PTPRJ: variants seen among roughly 807,000 people sequenced by gnomAD.
PTPRJ encodes the protein protein tyrosine phosphatase receptor type J.
Under a neutral mutation model 141.3 loss-of-function variants are expected in PTPRJ, and 129 were observed. The ratio of observed to expected loss-of-function variants is 0.91; its 90% CI spans 0.79 to 1.06. The LOEUF (loss-of-function observed/expected upper bound fraction) is 1.06, where lower values mean the gene tolerates loss of function less well. PTPRJ is among the 50% of genes least tolerant of loss of function. The pLI, the probability that PTPRJ is intolerant of heterozygous loss-of-function variation, is 0.00. For synonymous variants in PTPRJ, 610 were observed against 640.5 expected (o/e 0.95, Z 0.72); for missense variants, 1,601 against 1,679.7 (o/e 0.95, Z 0.82).
chr11:48,150,147 A>C lies in PTPRJ; in HGVS notation c.3102A>C (p.Gln1034His). 6.2e-7 allele frequency: 1 copy of C among 1,614,190 alleles called. No individual in the cohort carries two copies. The highest frequency in any genetic ancestry group is 8.5e-7 in the Non-Finnish European group (1 of 1,179,988). The change falls in exon 18 of 25, where the codon CAA becomes CAC. Residue 1034 changes from glutamine to histidine, a missense_variant. Coordinates refer to ENST00000418331, the MANE Select transcript of PTPRJ (RefSeq NM_002843.4). ...TTGAGGCCTACTTCAAGAAGCAGCA[A>C]GCTGACTCCAACTGTGGGTTCGCAG... ...ENFEAYFKKQ[Q>H]ADSNCGFAEE...
At chr11:48,121,763 A>C (rs1422427859) in intron 4 of PTPRJ, among the ~76,000 whole-genome samples, 1 of 152,260 alleles carries the variant, frequency 6.6e-6, no homozygotes, top group Admixed American at 6.5e-5. Context: ...CTTAGATGTC[A>C]ATACCGAAGC....
intron 8 of PTPRJ, among the ~76,000 whole-genome samples, chr11:48,131,031 TAC>T (rs368230622): frequency 0.013 from 919 of 69,202 alleles, 26 homozygotes; most frequent in African/African-American, 0.039. Flanking sequence ...TAATATTTAA[TAC>T]ACACACACAC....
intron 1 of PTPRJ, among the ~76,000 whole-genome samples, chr11:47,999,361 A>C (rs929048361): frequency 6.6e-6 from 1 of 152,210 alleles, no homozygotes; most frequent in African/African-American, 2.4e-5. Flanking sequence ...ATCTGTTAAG[A>C]ATGTCTGATT....
intron 1 of PTPRJ, among the ~76,000 whole-genome samples, chr11:48,073,610 T>G (rs59456815): frequency 0.022 from 3,386 of 152,222 alleles, 128 homozygotes; most frequent in African/African-American, 0.077. Flanking sequence ...ATTTCCAGAC[T>G]TAGGACTTTT....
chr11:47,987,186 G>A (rs1199946932), intron 1 of PTPRJ, among the ~76,000 whole-genome samples: 1 of 151,770 alleles, frequency 6.6e-6, no homozygotes, highest in Non-Finnish European at 1.5e-5. Context: ...TCCAACCCAG[G>A]CAACAGAGTG....
chr11:48,143,058 GAGGCCTCCGTGGGTTAAAC>G lies in PTPRJ; in HGVS notation c.2575+11_2575+29del, dbSNP rs1298579245. 6.2e-7 allele frequency: 1 copy of G among 1,614,048 alleles called. No homozygotes were observed. On this transcript the variant is annotated intron_variant, in intron 12 of 24. Transcript: ENST00000418331. ...TTCTCACCACCGGGGAAGGTAAGGAGAGGCCTCCGTGGGTTAAACAGCCCATGAGTGATGCAGTGACCAG... is the reference window on the plus strand; with the variant it reads ...TTCTCACCACCGGGGAAGGTAAGGAGAGCCCATGAGTGATGCAGTGACCAG...
At chr11:48,135,344 T>C (rs985733203) in intron 8 of PTPRJ, among the ~76,000 whole-genome samples, 1 of 151,562 alleles carries the variant, frequency 6.6e-6, no homozygotes. Context: ...CCGGCTAATT[T>C]TGTACTTTTT....
At chr11:48,103,412 T>G (rs1390421474) in intron 1 of PTPRJ, among the ~76,000 whole-genome samples, 1 of 152,192 alleles carries the variant, frequency 6.6e-6, no homozygotes, top group Non-Finnish European at 1.5e-5. Flanking sequence ...TGAGCTATGA[T>G]TGTGCCATTG....
At chr11:48,157,275 C>T (rs1038722090) in intron 21 of PTPRJ, among the ~76,000 whole-genome samples, 12 of 152,084 alleles carry the variant, frequency 7.9e-5, no homozygotes, top group Non-Finnish European at 1.6e-4. Flanking sequence ...TGTGAGCCAC[C>T]GCCCCTGGCC....
intron 1 of PTPRJ, among the ~76,000 whole-genome samples, chr11:48,062,134 A>G (rs546374445): frequency 6.6e-6 from 1 of 151,500 alleles, no homozygotes; most frequent in East Asian, 2.0e-4. Context: ...CCTGGACTCA[A>G]GTGATCTGCC....
chr11:48,164,451 C>T lies in PTPRJ; in HGVS notation c.3791C>T (p.Thr1264Ile). ...ATCTACCAGATAGAGAATGAGAACA[C>T]CGTGGATGTGTATGGGATTGTGTAT... The part of the protein sequence containing the change: ...RLIYQIENEN[T>I]VDVYGIVYDL... The change falls in exon 24 of 25, where the codon ACC becomes ATC. Residue 1264 changes from threonine (T) to isoleucine (I), a missense_variant. Coordinates refer to ENST00000418331, the MANE Select transcript of PTPRJ (RefSeq NM_002843.4). 6.2e-7 allele frequency: 1 copy of T among 1,613,958 alleles called. No individual in the cohort carries two copies. The highest frequency in any genetic ancestry group is 8.5e-7 in the Non-Finnish European group (1 of 1,179,974).
At chr11:48,132,497 T>A (rs902957969) in intron 8 of PTPRJ, 6 of 983,336 alleles carry the variant, frequency 6.1e-6, no homozygotes, top group African/African-American at 1.7e-5. Context: ...AATTGTTTTT[T>A]GGAAAGGTTG....
intron 1 of PTPRJ, among the ~76,000 whole-genome samples, chr11:48,100,397 A>G (rs1856121458): frequency 6.6e-6 from 1 of 152,146 alleles, no homozygotes; most frequent in Non-Finnish European, 1.5e-5. Context: ...TGACAATAAT[A>G]GCTACTATTT....
chr11:48,075,823 C>T (rs749625019), intron 1 of PTPRJ, among the ~76,000 whole-genome samples: 134 of 152,186 alleles, frequency 8.8e-4, no homozygotes, highest in Non-Finnish European at 1.7e-3. Flanking sequence ...CCTTTCCGCA[C>T]CTTCTACCAT....
At chr11:48,126,176 C>CA (rs1856824784) in intron 6 of PTPRJ, among the ~76,000 whole-genome samples, 1 of 152,100 alleles carries the variant, frequency 6.6e-6, no homozygotes, top group African/African-American at 2.4e-5. Flanking sequence ...TGGGTCCAGC[C>CA]AGGGGAAGGT....
At chr11:48,009,274 C>T (rs1158624504) in intron 1 of PTPRJ, among the ~76,000 whole-genome samples, 3 of 152,124 alleles carry the variant, frequency 2.0e-5, no homozygotes, top group South Asian at 2.1e-4. Context: ...TTTAAAGACG[C>T]GAGCTTCAAA....
chr11:48,131,169 C>T (rs1240194281), intron 8 of PTPRJ, among the ~76,000 whole-genome samples: 1 of 144,104 alleles, frequency 6.9e-6, no homozygotes, highest in Non-Finnish European at 1.5e-5. Context: ...CCTCCATCTC[C>T]TGGGTTCAAG....
chr11:48,087,646 G>A (rs1185938102), intron 1 of PTPRJ, among the ~76,000 whole-genome samples: 1 of 152,156 alleles, frequency 6.6e-6, no homozygotes, highest in Non-Finnish European at 1.5e-5. Context: ...GCAAATCAGG[G>A]CTAGAAACCC....
chr11:48,128,756 C>T (rs1044094469), intron 7 of PTPRJ, among the ~76,000 whole-genome samples: 7 of 152,116 alleles, frequency 4.6e-5, no homozygotes, highest in East Asian at 3.9e-4. Flanking sequence ...GAACAGTTTG[C>T]CCAAAGCCAC....
Sources: allele counts gnomAD v4.1 joint callset (sites outside exome capture counted in the v4.1 genomes callset), GRCh38; gene constraint gnomAD v4.1.1; transcripts MANE v1.5; gene names NCBI Gene and HGNC (gene_info 2026-07-23, HGNC 2026-07-21).